PLA2G5: variants seen among roughly 807,000 people sequenced by gnomAD.
The protein encoded by PLA2G5 is phospholipase A2 group V.
PLA2G5 carries 12 observed loss-of-function variants against 15.9 expected under a neutral mutation model. The observed-to-expected ratio is 0.76, with a 90% CI of 0.48 to 1.23. The LOEUF (loss-of-function observed/expected upper bound fraction) is 1.23, where lower values mean the gene tolerates loss of function less well. Ranked by LOEUF, PLA2G5 falls within the 50% of genes most tolerant of loss-of-function variation. The pLI, the probability that PLA2G5 is intolerant of heterozygous loss-of-function variation, is 0.00. For missense variants in PLA2G5, 169 were observed against 177.1 expected, an observed-to-expected ratio of 0.95 and a Z score of 0.26; for synonymous variants, 71 against 71.4, an observed-to-expected ratio of 0.99 and a Z score of 0.03.
chr1:20,083,924 A>T (rs1020530409), intron 1 of PLA2G5, among the ~76,000 whole-genome samples: 4 of 151,842 alleles, frequency 2.6e-5, no homozygotes, highest in African/African-American at 9.7e-5. Context: ...TTCTTTAGGT[A>T]GACACAGTGC....
intron 1 of PLA2G5, among the ~76,000 whole-genome samples, chr1:20,052,774 A>G (rs2014239853): frequency 6.6e-6 from 1 of 152,190 alleles, no homozygotes; most frequent in African/African-American, 2.4e-5. Flanking sequence ...GCTAAAGGGA[A>G]AAGTCAAGCT....
chr1:20,059,981 C>T (rs575968052), intron 2 of PLA2G5, among the ~76,000 whole-genome samples: 1 of 152,266 alleles, frequency 6.6e-6, no homozygotes, highest in East Asian at 1.9e-4. Flanking sequence ...GCTTTTCCAG[C>T]ACCCCCAAGG....
At chr1:20,068,106 G>A (rs1466970840), upstream of PLA2G5, among the ~76,000 whole-genome samples, 1 of 151,978 alleles carries the variant, frequency 6.6e-6, no homozygotes, top group Non-Finnish European at 1.5e-5. Context: ...CGACAAGAGC[G>A]AGACTCCGTC....
Position 20,090,698 on chromosome 1 carries a change from C to A in PLA2G5, c.*6C>A, listed in dbSNP as rs766097942. The A allele has an allele frequency of 6.2e-7, 1 of 1,614,064 alleles. No homozygotes were observed. The highest frequency in any genetic ancestry group is 1.7e-5 in the Admixed American group (1 of 60,026). Reference sequence around the variant, plus strand: ...CCAACATCCTCTGCTCCTAGGCCTCCCCAGCGAGCTCCTCCCAGACCAAGA... The same window carrying A: ...CCAACATCCTCTGCTCCTAGGCCTCACCAGCGAGCTCCTCCCAGACCAAGA... On this transcript the variant is annotated 3_prime_UTR_variant, in exon 5 of 5. Coordinates refer to ENST00000375108, the MANE Select transcript of PLA2G5 (RefSeq NM_000929.3).
At chr1:20,033,098 C>T (rs1438224578) in intron 1 of PLA2G5, among the ~76,000 whole-genome samples, 1 of 152,080 alleles carries the variant, frequency 6.6e-6, no homozygotes, top group East Asian at 1.9e-4. Context: ...TTCCTTTTTC[C>T]TTTTGCTAGG....
intron 1 of PLA2G5, among the ~76,000 whole-genome samples, chr1:20,030,406 G>C (rs1263277262): frequency 6.6e-6 from 1 of 152,128 alleles, no homozygotes; most frequent in Non-Finnish European, 1.5e-5. Flanking sequence ...GTAAAGAGCA[G>C]TATTGCCACC....
At chr1:20,062,318 C>A (rs147690705) in intron 2 of PLA2G5, among the ~76,000 whole-genome samples, 5 of 152,346 alleles carry the variant, frequency 3.3e-5, no homozygotes, top group African/African-American at 1.2e-4. Context: ...ACAGGAAACT[C>A]CCAGCATCTC....
At position 20,070,207 on chromosome 1, in the gene PLA2G5, G is replaced by C. The variant is rs1232398839; in HGVS notation, c.-269G>C. On this transcript the variant is annotated 5_prime_UTR_variant, in exon 1 of 5. Coordinates refer to ENST00000375108, the MANE Select transcript of PLA2G5 (RefSeq NM_000929.3). Reference sequence around the variant, plus strand: ...CTCTGCAAAGGCAGTCGGGGGCTGAGCAGGGTTCTACCCGGCTGGGTCCAG... The same window carrying C: ...CTCTGCAAAGGCAGTCGGGGGCTGACCAGGGTTCTACCCGGCTGGGTCCAG... The C allele has an allele frequency of 1.0e-6, 1 of 985,438 alleles. No individual in the cohort carries two copies. The highest frequency in any genetic ancestry group is 1.1e-4 in the East Asian group (1 of 8,808). The allele number at this position is 985,438 out of a possible 1,614,324, so 61.0% of individuals were successfully genotyped here. A position where few individuals can be genotyped will look rare whatever the true frequency, so the allele number is the denominator to read the frequency against.
At chr1:20,053,571 G>C (rs753289689) in intron 1 of PLA2G5, among the ~76,000 whole-genome samples, 1 of 21,718 alleles carries the variant, frequency 4.6e-5, no homozygotes, top group Admixed American at 4.3e-4. Flanking sequence ...ATTACTTTGC[G>C]GGGGGGGGGG....
At chr1:20,047,756 G>A (rs375474954) in intron 1 of PLA2G5, among the ~76,000 whole-genome samples, 9 of 113,272 alleles carry the variant, frequency 7.9e-5, no homozygotes, top group African/African-American at 2.9e-4. Context: ...GTGTGTGTGT[G>A]TATGTGTATA....
intron 1 of PLA2G5, among the ~76,000 whole-genome samples, chr1:20,050,054 A>G (rs1350325027): frequency 1.3e-5 from 2 of 152,210 alleles, no homozygotes; most frequent in Non-Finnish European, 2.9e-5. Context: ...TAACTGGCCT[A>G]ATAGATTTTA....
chr1:20,061,400 C>T (rs939656868), intron 2 of PLA2G5, among the ~76,000 whole-genome samples: 1 of 151,782 alleles, frequency 6.6e-6, no homozygotes, highest in Non-Finnish European at 1.5e-5. Flanking sequence ...GCTTGGGCAA[C>T]CTAGGGAGAC....
chr1:20,034,502 CAAG>C (rs2013139324), intron 1 of PLA2G5, among the ~76,000 whole-genome samples: 1 of 152,052 alleles, frequency 6.6e-6, no homozygotes, highest in Non-Finnish European at 1.5e-5. Flanking sequence ...GATCTTGGAC[CAAG>C]AAGTAAGACC....
chr1:20,062,746 G>A (rs946438937), intron 2 of PLA2G5, among the ~76,000 whole-genome samples: 3 of 152,182 alleles, frequency 2.0e-5, no homozygotes, highest in Non-Finnish European at 4.4e-5. Context: ...TGGAAGGGGC[G>A]CTGTCAATGT....
chr1:20,050,139 A>T (rs970308246), intron 1 of PLA2G5, among the ~76,000 whole-genome samples: 3 of 152,180 alleles, frequency 2.0e-5, no homozygotes, highest in Non-Finnish European at 4.4e-5. Flanking sequence ...AAAATTTTTT[A>T]AAATTAAGGT....
chr1:20,068,818 A>C, upstream of PLA2G5: 1 of 470,964 alleles, frequency 2.1e-6, no homozygotes. Context: ...ATATATTTGC[A>C]ACATATATAG....
chr1:20,033,485 T>C (rs1240384316), intron 1 of PLA2G5, among the ~76,000 whole-genome samples: 1 of 152,148 alleles, frequency 6.6e-6, no homozygotes, highest in Admixed American at 6.5e-5. Context: ...GATTGATGGC[T>C]TATGAGGTCC....
upstream of PLA2G5, among the ~76,000 whole-genome samples, chr1:20,069,787 C>T (rs980871468): frequency 3.9e-5 from 6 of 152,128 alleles, no homozygotes; most frequent in Admixed American, 1.3e-4. Context: ...ATGCCTGATT[C>T]TTGTTGGGAT....
chr1:20,032,475 C>T (rs1371164906), intron 1 of PLA2G5, among the ~76,000 whole-genome samples: 1 of 151,924 alleles, frequency 6.6e-6, no homozygotes, highest in African/African-American at 2.4e-5. Context: ...ATTTGCCAGT[C>T]AGTCTTGCCC....
Sources: gnomAD v4.1 joint callset for allele counts (sites outside exome capture counted in the v4.1 genomes callset) on GRCh38, gnomAD v4.1.1 for gene constraint, MANE v1.5 for transcripts, NCBI Gene and HGNC (gene_info 2026-07-23, HGNC 2026-07-21) for gene names.